Variants in VWC2L observed in about 807,000 individuals in gnomAD.
VWC2L encodes the protein von Willebrand factor C domain containing 2 like, also known as von Willebrand factor C domain-containing protein 2-like.
VWC2L carries 10 observed loss-of-function variants against 21.6 expected under a neutral mutation model. The ratio of observed to expected loss-of-function variants is 0.46; its 90% CI spans 0.29 to 0.78. VWC2L has a LOEUF of 0.78. Among genes scored for constraint, VWC2L ranks in the 30% least tolerant of loss-of-function variants. VWC2L has a pLI of 0.10. For synonymous variants in VWC2L, 96 were observed against 94.3 expected (o/e 1.02, Z -0.10); for missense variants, 209 against 277.1 (o/e 0.75, Z 1.74).
intron 2 of VWC2L, among the ~76,000 whole-genome samples, chr2:214,418,698 A>C (rs2126170627): frequency 6.6e-6 from 1 of 152,220 alleles, no homozygotes; most frequent in Non-Finnish European, 1.5e-5. Flanking sequence ...TTGTAATCAA[A>C]CCTATAGGAT....
chr2:214,477,892 T>G (rs956805305), intron 3 of VWC2L, among the ~76,000 whole-genome samples: 1 of 152,256 alleles, frequency 6.6e-6, no homozygotes, highest in Non-Finnish European at 1.5e-5. Context: ...CTGTATGTCG[T>G]AAGTTGTTTA....
rs569565644 is a variant in VWC2L, at chr2:214,511,137, A to C, written c.521-64535A>C. ...CCCCATCTCCACCAAAAATTTAAAAATTAGCCAAATGCAGCTACATGGGAG... is the reference window on the plus strand; with the variant it reads ...CCCCATCTCCACCAAAAATTTAAAACTTAGCCAAATGCAGCTACATGGGAG... On this transcript the variant is annotated intron_variant, in intron 3 of 3. Coordinates refer to ENST00000312504, the MANE Select transcript of VWC2L (RefSeq NM_001080500.4). 2.0e-5 allele frequency among the ~76,000 whole-genome samples: 3 copies of C among 152,068 alleles called. No individual in the cohort carries two copies. The South Asian group carries it at 6.2e-4, about 32-fold the overall frequency.
intron 3 of VWC2L, among the ~76,000 whole-genome samples, chr2:214,511,481 G>A (rs2105905778): frequency 6.6e-6 from 1 of 152,082 alleles, no homozygotes; most frequent in Non-Finnish European, 1.5e-5. Context: ...AGAAGAGGAA[G>A]AGAGAGAGAG....
chr2:214,562,402 A>C (rs893014519), intron 3 of VWC2L, among the ~76,000 whole-genome samples: 3 of 152,190 alleles, frequency 2.0e-5, no homozygotes, highest in Non-Finnish European at 4.4e-5. Context: ...ATTGATAGGC[A>C]TTTAGGTTGA....
At chr2:214,505,735 A>G (rs1416167451) in intron 3 of VWC2L, among the ~76,000 whole-genome samples, 1 of 152,180 alleles carries the variant, frequency 6.6e-6, no homozygotes, top group East Asian at 1.9e-4. Context: ...ATTCAATTCA[A>G]TATCATTCCC....
chr2:214,445,261 A>G (rs1423410487), intron 3 of VWC2L, among the ~76,000 whole-genome samples: 2 of 151,710 alleles, frequency 1.3e-5, no homozygotes, highest in Non-Finnish European at 3.0e-5. Context: ...TAATGAGAGA[A>G]GAATTTTAAA....
intron 3 of VWC2L, among the ~76,000 whole-genome samples, chr2:214,547,545 A>G (rs1180283607): frequency 1.3e-5 from 2 of 152,204 alleles, no homozygotes; most frequent in Non-Finnish European, 2.9e-5. Context: ...TAGATGCAAC[A>G]ATTAATTTAA....
intron 2 of VWC2L, among the ~76,000 whole-genome samples, chr2:214,436,012 AT>A (rs1176205446): frequency 6.6e-6 from 1 of 151,718 alleles, no homozygotes; most frequent in African/African-American, 2.4e-5. Flanking sequence ...CGATTTGTTC[AT>A]TCATAAAAGC....
chr2:214,555,833 A>C (rs1263054979), intron 3 of VWC2L, among the ~76,000 whole-genome samples: 2 of 152,198 alleles, frequency 1.3e-5, no homozygotes, highest in African/African-American at 4.8e-5. Flanking sequence ...ATTTTCAGAA[A>C]GCTCTATGGG....
intron 3 of VWC2L, among the ~76,000 whole-genome samples, chr2:214,495,548 C>T (rs990533549): frequency 6.6e-6 from 1 of 152,190 alleles, no homozygotes; most frequent in African/African-American, 2.4e-5. Context: ...GAGAACTTCA[C>T]TGCCCCACTA....
At chr2:214,562,310 A>G (rs1280218206) in intron 3 of VWC2L, among the ~76,000 whole-genome samples, 1 of 152,184 alleles carries the variant, frequency 6.6e-6, no homozygotes, top group Non-Finnish European at 1.5e-5. Context: ...ATCTCCCTGC[A>G]AAAGACGTGA....
At chr2:214,492,565 C>A (rs78166108) in intron 3 of VWC2L, among the ~76,000 whole-genome samples, 2,227 of 152,200 alleles carry the variant, frequency 0.015, 61 homozygotes, top group African/African-American at 0.05. Flanking sequence ...GGAGAAGAGA[C>A]TATATCTAGG....
chr2:214,559,492 T>C (rs968280444), intron 3 of VWC2L, among the ~76,000 whole-genome samples: 1 of 152,148 alleles, frequency 6.6e-6, no homozygotes, highest in South Asian at 2.1e-4. Flanking sequence ...TGCCTCTCAC[T>C]GGCCCCTCCT....
At chr2:214,475,875 C>G (rs1312491675) in intron 3 of VWC2L, among the ~76,000 whole-genome samples, 1 of 152,120 alleles carries the variant, frequency 6.6e-6, no homozygotes, top group South Asian at 2.1e-4. Context: ...CTAAATGATC[C>G]ATGCCCAAGG....
intron 3 of VWC2L, among the ~76,000 whole-genome samples, chr2:214,523,458 T>C (rs1054249012): frequency 6.6e-6 from 1 of 152,224 alleles, no homozygotes; most frequent in African/African-American, 2.4e-5. Context: ...TCTTAATGTA[T>C]ACTTTTCAAG....
At chr2:214,518,055 A>T (rs993907925) in intron 3 of VWC2L, among the ~76,000 whole-genome samples, 12 of 152,148 alleles carry the variant, frequency 7.9e-5, no homozygotes, top group African/African-American at 2.9e-4. Context: ...AGTCCCAGCT[A>T]CTTGGGAGAC....
chr2:214,417,307 T>C (rs532750266), intron 2 of VWC2L, among the ~76,000 whole-genome samples: 1 of 152,136 alleles, frequency 6.6e-6, no homozygotes, highest in South Asian at 2.1e-4. Flanking sequence ...AACCAAAATC[T>C]CTGCTCACAA....
chr2:214,529,831 C>T (rs190788112), intron 3 of VWC2L, among the ~76,000 whole-genome samples: 3 of 152,244 alleles, frequency 2.0e-5, no homozygotes, highest in South Asian at 2.1e-4. Flanking sequence ...GTCATCTATG[C>T]GCATCTGTTC....
At chr2:214,437,828 GATA>G (rs1422668192) in intron 3 of VWC2L, among the ~76,000 whole-genome samples, 1 of 152,002 alleles carries the variant, frequency 6.6e-6, no homozygotes, top group Non-Finnish European at 1.5e-5. Flanking sequence ...GGTTATTTCT[GATA>G]ATAATTTTTT....
Sources: gnomAD v4.1 joint callset for allele counts (sites outside exome capture counted in the v4.1 genomes callset) on GRCh38, gnomAD v4.1.1 for gene constraint, MANE v1.5 for transcripts, NCBI Gene and HGNC (gene_info 2026-07-23, HGNC 2026-07-21) for gene names.